The following ST6GALNAC5 variants were observed in gnomAD, a reference collection of about 807,000 sequenced individuals.
ST6GALNAC5 encodes ST6 N-acetylgalactosaminide alpha-2,6-sialyltransferase 5.
ST6GALNAC5 carries 27 observed loss-of-function variants against 33.6 expected under a neutral mutation model. The ratio of observed to expected loss-of-function variants is 0.80; its 90% confidence interval spans 0.59 to 1.11. The LOEUF (loss-of-function observed/expected upper bound fraction) is 1.11, where lower values mean the gene tolerates loss of function less well. Among genes scored for constraint, ST6GALNAC5 ranks in the 50% least tolerant of loss-of-function variants. ST6GALNAC5 has a pLI of 0.00. For synonymous variants in ST6GALNAC5, 194 were observed against 171.2 expected (o/e 1.13, Z -1.04); for missense variants, 428 against 454.0 (o/e 0.94, Z 0.52).
chr1:77,058,164 G>A (rs748988188), intron 4 of ST6GALNAC5, among the ~76,000 whole-genome samples: 1 of 152,230 alleles, frequency 6.6e-6, no homozygotes, highest in Non-Finnish European at 1.5e-5. Context: ...TAAGAGTACA[G>A]AGTCAACTGG....
At chr1:77,060,017 T>C (rs762117259) in intron 4 of ST6GALNAC5, 1 of 152,192 alleles carries the variant, frequency 6.6e-6, no homozygotes, top group African/African-American at 2.4e-5. Flanking sequence ...AAGCAGAGTC[T>C]ATGGGGTTGG....
chr1:76,979,605 C>G (rs571607049), intron 2 of ST6GALNAC5, among the ~76,000 whole-genome samples: 9 of 152,270 alleles, frequency 5.9e-5, no homozygotes, highest in African/African-American at 2.2e-4. Flanking sequence ...CTACCTCTCA[C>G]GATATGCAAA....
At chr1:76,923,445 C>G (rs1189765259) in intron 2 of ST6GALNAC5, among the ~76,000 whole-genome samples, 1 of 152,048 alleles carries the variant, frequency 6.6e-6, no homozygotes, top group African/African-American at 2.4e-5. Flanking sequence ...GTAATTCCAG[C>G]ACTTTGGGAG....
chr1:76,911,249 T>G (rs1422803867), intron 2 of ST6GALNAC5, among the ~76,000 whole-genome samples: 1 of 152,174 alleles, frequency 6.6e-6, no homozygotes, highest in East Asian at 1.9e-4. Context: ...TTACATTTAT[T>G]GATTTGCGTA....
intron 2 of ST6GALNAC5, among the ~76,000 whole-genome samples, chr1:77,024,836 C>A (rs1651174683): frequency 6.6e-6 from 1 of 152,158 alleles, no homozygotes; most frequent in South Asian, 2.1e-4. Flanking sequence ...CCACAGAGCA[C>A]CAGAATCCCC....
Position 76,868,572 on chromosome 1 carries a change from G to A in ST6GALNAC5, c.91G>A (p.Gly31Ser), listed in dbSNP as rs768112261. Residue 31 changes from glycine to serine, a missense_variant, in exon 2 of 5, where the codon GGC becomes AGC. By Grantham distance (56) the Gly-to-Ser change is moderately conservative. Coordinates refer to ENST00000477717, the MANE Select transcript of ST6GALNAC5 (RefSeq NM_030965.3). The surrounding 1 kb of genome is among the most constrained non-coding windows in gnomAD (Gnocchi z 4.3). ...SLLLVYSSLG[G>S]QKERPPQQQQ... ...GTTGCTAGTGTACAGCAGCCTCGGCGGCCAGAAGGAGCGGCCCCCGCAGCA... is the reference window on the plus strand; with the variant it reads ...GTTGCTAGTGTACAGCAGCCTCGGCAGCCAGAAGGAGCGGCCCCCGCAGCA... The A allele has an allele frequency of 6.2e-7, 1 of 1,613,108 alleles. No individual in the cohort carries two copies. The highest frequency in any genetic ancestry group is 1.7e-5 in the Admixed American group (1 of 59,994).
intron 2 of ST6GALNAC5, among the ~76,000 whole-genome samples, chr1:76,967,811 C>T (rs950578821): frequency 1.3e-5 from 2 of 152,132 alleles, no homozygotes; most frequent in Admixed American, 6.6e-5. Context: ...GAAAGAACAT[C>T]TTTATTTCTG....
chr1:76,878,166 A>G (rs1427746501), intron 2 of ST6GALNAC5, among the ~76,000 whole-genome samples: 1 of 152,140 alleles, frequency 6.6e-6, no homozygotes, highest in African/African-American at 2.4e-5. Flanking sequence ...CCCTACAGGG[A>G]TGCGATATTG....
chr1:76,918,073 C>T (rs1646993077), intron 2 of ST6GALNAC5, among the ~76,000 whole-genome samples: 1 of 152,076 alleles, frequency 6.6e-6, no homozygotes. Context: ...GTCAATTTGA[C>T]ACATAAGTTA....
At position 76,868,689 on chromosome 1, in the gene ST6GALNAC5, G is replaced by T. The variant is rs754619827; in HGVS notation, c.208G>T (p.Val70Phe). The change falls in exon 2 of 5, where the codon GTC becomes TTC. Residue 70 changes from valine (V) to phenylalanine (F), a missense_variant. Transcript: ENST00000477717. The surrounding 1 kb of genome is among the most constrained non-coding windows in gnomAD (Gnocchi z 4.3). ...AESSTQQRPG[V>F]PAGPRPLDGY... ...GAGCAGCACCCAGCAGCGCCCCGGG[G>T]TCCCCGCGGGACCGCGGCCACTGGA... 13 of 1,551,354 alleles carry T rather than the reference G, an allele frequency of 8.4e-6. No individual in the cohort carries two copies. The highest frequency in any genetic ancestry group is 1.0e-5 in the Non-Finnish European group (12 of 1,147,722).
intron 2 of ST6GALNAC5, among the ~76,000 whole-genome samples, chr1:77,026,561 C>T (rs552630625): frequency 6.6e-6 from 1 of 152,268 alleles, no homozygotes; most frequent in East Asian, 1.9e-4. Context: ...ATAGCCTTGG[C>T]TCCATGTGCC....
chr1:77,003,667 G>T (rs1260666283), intron 2 of ST6GALNAC5, among the ~76,000 whole-genome samples: 1 of 152,078 alleles, frequency 6.6e-6, no homozygotes, highest in African/African-American at 2.4e-5. Flanking sequence ...TCCTTCAGGA[G>T]CTCTTGTAAG....
intron 2 of ST6GALNAC5, among the ~76,000 whole-genome samples, chr1:76,878,388 T>TG (rs1653697884): frequency 6.6e-6 from 1 of 152,138 alleles, no homozygotes; most frequent in Non-Finnish European, 1.5e-5. Flanking sequence ...AAGTCAGACC[T>TG]GAGCTAAAAC....
At chr1:77,051,362 G>A (rs972456211) in intron 4 of ST6GALNAC5, among the ~76,000 whole-genome samples, 25 of 152,134 alleles carry the variant, frequency 1.6e-4, no homozygotes, top group Non-Finnish European at 2.8e-4. Flanking sequence ...GAGTCAGGCC[G>A]CAAAGGAGGA....
chr1:76,894,394 T>C (rs1343610584), intron 2 of ST6GALNAC5, among the ~76,000 whole-genome samples: 1 of 152,032 alleles, frequency 6.6e-6, no homozygotes, highest in Non-Finnish European at 1.5e-5. Context: ...TGAAGAGTTT[T>C]GTGTGGGGAG....
chr1:77,013,659 G>T (rs547176231), intron 2 of ST6GALNAC5, among the ~76,000 whole-genome samples: 2 of 152,138 alleles, frequency 1.3e-5, no homozygotes, highest in Non-Finnish European at 2.9e-5. Context: ...CTTGCCTCAA[G>T]GCCCCACTCC....
At chr1:76,882,908 C>T (rs1278122933) in intron 2 of ST6GALNAC5, among the ~76,000 whole-genome samples, 1 of 152,130 alleles carries the variant, frequency 6.6e-6, no homozygotes, top group East Asian at 1.9e-4. Context: ...CTAGGCACTA[C>T]GCACCCAGGG....
chr1:76,959,808 T>C (rs1648155401), intron 2 of ST6GALNAC5, among the ~76,000 whole-genome samples: 1 of 152,244 alleles, frequency 6.6e-6, no homozygotes. Context: ...GAGCAGTGAC[T>C]ACTTCCTTGT....
chr1:77,035,584 C>T (rs114432595), intron 2 of ST6GALNAC5, among the ~76,000 whole-genome samples: 2,063 of 152,190 alleles, frequency 0.014, 50 homozygotes, highest in African/African-American at 0.047. Context: ...AATCACTTAG[C>T]TTTGGTGGCA....
Sources: allele counts gnomAD v4.1 joint callset (sites outside exome capture counted in the v4.1 genomes callset), GRCh38; gene constraint gnomAD v4.1.1; non-coding constraint Gnocchi (gnomAD v3.1); transcripts MANE v1.5; gene names NCBI Gene and HGNC (gene_info 2026-07-23, HGNC 2026-07-21).